KCNK2: variants seen among roughly 807,000 people sequenced by gnomAD.
The protein encoded by KCNK2 is potassium channel subfamily K member 2.
KCNK2 carries 21 observed loss-of-function variants against 40.5 expected under a neutral mutation model. That is an observed-to-expected ratio of 0.52 (90% CI 0.37 to 0.75). The LOEUF (loss-of-function observed/expected upper bound fraction) is 0.75, where lower values mean the gene tolerates loss of function less well. KCNK2 is among the 30% of genes least tolerant of loss of function. The pLI, the probability that KCNK2 is intolerant of heterozygous loss-of-function variation, is 0.00. For synonymous variants in KCNK2, 191 were observed against 202.2 expected (o/e 0.94, Z 0.47); for missense variants, 399 against 531.6 (o/e 0.75, Z 2.45).
chr1:215,198,454 T>C (rs1195702722), intron 6 of KCNK2, among the ~76,000 whole-genome samples: 2 of 152,206 alleles, frequency 1.3e-5, no homozygotes, highest in African/African-American at 4.8e-5. Context: ...TTCAAAATAT[T>C]ATCATGGCCA....
chr1:215,223,270 C>G, intron 6 of KCNK2, among the ~76,000 whole-genome samples: 1 of 100,880 alleles, frequency 9.9e-6, no homozygotes, highest in Non-Finnish European at 2.2e-5. Flanking sequence ...AAAGTCAAAA[C>G]TCTTACAAGT....
intron 4 of KCNK2, among the ~76,000 whole-genome samples, chr1:215,170,637 T>G (rs1422002426): frequency 6.6e-6 from 1 of 152,170 alleles, no homozygotes; most frequent in African/African-American, 2.4e-5. Context: ...AAGATCAAAG[T>G]TAGATCTCAA....
chr1:215,146,782 A>G (rs1404093773), intron 3 of KCNK2, among the ~76,000 whole-genome samples: 1 of 152,204 alleles, frequency 6.6e-6, no homozygotes, highest in Non-Finnish European at 1.5e-5. Flanking sequence ...ACATTTAACA[A>G]TTGTTTAACT....
At chr1:215,169,474 C>A in intron 4 of KCNK2, 115 bp downstream of exon 4, 2 of 739,996 alleles carry the variant, frequency 2.7e-6, no homozygotes, top group Non-Finnish European at 4.4e-6. Flanking sequence ...GCTTCCATAA[C>A]AATTTATATG....
intron 1 of KCNK2, among the ~76,000 whole-genome samples, chr1:215,016,418 A>G (rs1171415983): frequency 2.6e-5 from 4 of 152,184 alleles, no homozygotes; most frequent in South Asian, 2.1e-4. Context: ...ACATACACCA[A>G]TGGAACAGAA....
intron 1 of KCNK2, among the ~76,000 whole-genome samples, chr1:215,077,184 A>G (rs1348799986): frequency 6.6e-6 from 1 of 152,220 alleles, no homozygotes; most frequent in African/African-American, 2.4e-5. Context: ...CACACACTCC[A>G]TTCACAATCA....
At chr1:215,036,673 C>A (rs1396561927) in intron 1 of KCNK2, among the ~76,000 whole-genome samples, 1 of 151,850 alleles carries the variant, frequency 6.6e-6, no homozygotes, top group Non-Finnish European at 1.5e-5. Context: ...AATATACTCT[C>A]CATTTACTTA....
At chr1:215,127,867 C>A (rs1026136290) in intron 3 of KCNK2, among the ~76,000 whole-genome samples, 6 of 152,146 alleles carry the variant, frequency 3.9e-5, no homozygotes, top group Admixed American at 3.3e-4. Flanking sequence ...CATATTGATA[C>A]CTGTGAGGCT....
chr1:215,088,352 A>G (rs1659545383), intron 2 of KCNK2, among the ~76,000 whole-genome samples: 1 of 152,146 alleles, frequency 6.6e-6, no homozygotes, highest in African/African-American at 2.4e-5. Context: ...TTCCTCTTTA[A>G]GCCTTAAATG....
intron 1 of KCNK2, among the ~76,000 whole-genome samples, chr1:215,055,991 A>C (rs913283337): frequency 5.2e-4 from 79 of 152,148 alleles, no homozygotes; most frequent in African/African-American, 1.9e-3. Context: ...CTCAAAGATA[A>C]ATTCATCTGC....
At chr1:215,066,417 A>G (rs555942855) in intron 1 of KCNK2, among the ~76,000 whole-genome samples, 76 of 152,282 alleles carry the variant, frequency 5.0e-4, no homozygotes, top group Non-Finnish European at 5.0e-4. Context: ...ACGTAACCAA[A>G]ATCAATATGG....
In KCNK2 at chr1:215,234,819, A is replaced by C; in HGVS notation, c.964-9A>C. The C allele has an allele frequency of 6.3e-7, 1 of 1,595,328 alleles. No individual in the cohort carries two copies. The highest frequency in any genetic ancestry group is 8.6e-7 in the Non-Finnish European group (1 of 1,165,806). On this transcript the variant is annotated splice_polypyrimidine_tract_variant and intron_variant, in intron 6 of 6. Transcript: ENST00000444842. ...ATATCTTTATCTTTTCTCTGCTTGT[A>C]TGTTCCAGGTGGGAGAGTTCAGAGC...
chr1:215,053,068 CT>C (rs760995253), intron 1 of KCNK2, among the ~76,000 whole-genome samples: 1 of 151,940 alleles, frequency 6.6e-6, no homozygotes, highest in Admixed American at 6.6e-5. Context: ...GGTTTCTTTT[CT>C]TTTCTTTTTT....
intron 5 of KCNK2, among the ~76,000 whole-genome samples, chr1:215,186,045 G>A (rs1174444505): frequency 2.0e-5 from 3 of 152,112 alleles, no homozygotes; most frequent in Non-Finnish European, 2.9e-5. Flanking sequence ...GTGATGATGG[G>A]GTGGTTTAGA....
At chr1:215,190,467 A>G (rs748460642) in intron 5 of KCNK2, among the ~76,000 whole-genome samples, 5 of 152,212 alleles carry the variant, frequency 3.3e-5, no homozygotes, top group Non-Finnish European at 7.3e-5. Flanking sequence ...GGTTCAATGA[A>G]GGAGCCTGTG....
At chr1:215,028,476 G>A (rs546592491) in intron 1 of KCNK2, among the ~76,000 whole-genome samples, 1 of 152,250 alleles carries the variant, frequency 6.6e-6, no homozygotes, top group South Asian at 2.1e-4. Flanking sequence ...TATTTTACAA[G>A]ATGTTTGTAC....
At chr1:215,071,711 CA>C (rs967844730) in intron 1 of KCNK2, among the ~76,000 whole-genome samples, 75 of 152,264 alleles carry the variant, frequency 4.9e-4, no homozygotes, top group African/African-American at 1.8e-3. Context: ...ATTGCATCAT[CA>C]AAATTTCAGT....
chr1:215,178,044 A>T (rs1322038805), intron 5 of KCNK2, among the ~76,000 whole-genome samples: 1 of 151,906 alleles, frequency 6.6e-6, no homozygotes, highest in East Asian at 1.9e-4. Context: ...TGTTACCTAT[A>T]ATTTCTTTAA....
chr1:215,061,877 T>G (rs1658372947), intron 1 of KCNK2, among the ~76,000 whole-genome samples: 1 of 152,118 alleles, frequency 6.6e-6, no homozygotes, highest in South Asian at 2.1e-4. Flanking sequence ...TGTAGGAAAT[T>G]GTCTAAGGGT....
Sources: gnomAD v4.1 joint callset for allele counts (sites outside exome capture counted in the v4.1 genomes callset) on GRCh38, gnomAD v4.1.1 for gene constraint, MANE v1.5 for transcripts, NCBI Gene and HGNC (gene_info 2026-07-23, HGNC 2026-07-21) for gene names.